OTUD7B: variants seen among roughly 807,000 people sequenced by gnomAD.
OTUD7B encodes the protein OTU domain-containing protein 7B.
OTUD7B carries 34 observed loss-of-function variants against 82.2 expected under a neutral mutation model. That is an observed-to-expected ratio of 0.41 (90% confidence interval 0.31 to 0.55). OTUD7B has a LOEUF of 0.55. Ranked by LOEUF, OTUD7B falls within the 20% of genes least tolerant of loss-of-function variation. The pLI is 0.20. For synonymous variants in OTUD7B, 398 were observed against 402.7 expected (o/e 0.99, Z 0.14); for missense variants, 944 against 1,062.1 (o/e 0.89, Z 1.55).
At chr1:149,999,889 C>G (rs1162465325) in intron 1 of OTUD7B, among the ~76,000 whole-genome samples, 3 of 152,176 alleles carry the variant, frequency 2.0e-5, no homozygotes, top group African/African-American at 7.2e-5. Flanking sequence ...CACTAGTAGA[C>G]TAACTCATTT....
At chr1:150,003,163 T>A (rs587754288) in intron 1 of OTUD7B, among the ~76,000 whole-genome samples, 2 of 148,412 alleles carry the variant, frequency 1.3e-5, no homozygotes, top group African/African-American at 5.0e-5. Context: ...GGCAGGAGAA[T>A]GGCGTGAACC....
At chr1:149,966,923 C>T (rs782461808) in intron 4 of OTUD7B, among the ~76,000 whole-genome samples, 1 of 152,148 alleles carries the variant, frequency 6.6e-6, no homozygotes, top group Admixed American at 6.5e-5. Flanking sequence ...CAATTACAAA[C>T]GTAAATACAT....
the OTUD7B span, among the ~76,000 whole-genome samples, chr1:150,058,962 T>C: frequency 1.3e-5 from 2 of 152,148 alleles, 1 homozygote; most frequent in South Asian, 4.1e-4. Context: ...AATCTGTGTT[T>C]TAAAGTAAAT....
upstream of OTUD7B, among the ~76,000 whole-genome samples, chr1:150,013,061 T>C (rs782044652): frequency 2.0e-5 from 3 of 152,212 alleles, no homozygotes; most frequent in African/African-American, 4.8e-5. Context: ...AGCTGTTTAA[T>C]GTAGACATTG....
At chr1:150,047,352 T>G in the OTUD7B span, among the ~76,000 whole-genome samples, 1 of 152,070 alleles carries the variant, frequency 6.6e-6, no homozygotes, top group Non-Finnish European at 1.5e-5. Context: ...GCAAACCTTA[T>G]GCATCTCAAC....
At chr1:149,992,097 C>CGT (rs1651606299) in intron 1 of OTUD7B, among the ~76,000 whole-genome samples, 1 of 151,992 alleles carries the variant, frequency 6.6e-6, no homozygotes, top group East Asian at 1.9e-4. Flanking sequence ...GCATGGTGCA[C>CGT]ACCTGTAGTC....
At chr1:150,026,750 A>G in the OTUD7B span, among the ~76,000 whole-genome samples, 13 of 152,178 alleles carry the variant, frequency 8.5e-5, no homozygotes, top group Non-Finnish European at 1.9e-4. Context: ...TGAAAAGTGA[A>G]GAGAGAGAAA....
chr1:149,941,044 C>T lies in OTUD7B; in HGVS notation c.*2813G>A, dbSNP rs1647227841. ...AAATAATTTATTTCTTAATAAAAAG[C>T]TATAAGGCCTAAAGCCCCATTTTAC... is the stretch of plus-strand genomic sequence containing the variant. On this transcript the variant is annotated 3_prime_UTR_variant, in exon 12 of 12. Transcript: ENST00000581312. 2 of 152,178 alleles carry T rather than the reference C, an allele frequency of 1.3e-5. No homozygotes were observed. Among genetic ancestry groups the T allele is most frequent in the South Asian group, 4.1e-4 (2 of 4,832 alleles). 9.4% of individuals were successfully genotyped at this position (152,178 alleles called of 1,614,324 possible). A position where few individuals can be genotyped will look rare whatever the true frequency, so the allele number is the denominator to read the frequency against.
chr1:149,977,314 G>A (rs1650390785), intron 2 of OTUD7B, 112 bp downstream of exon 2: 1 of 773,896 alleles, frequency 1.3e-6, no homozygotes, highest in South Asian at 1.5e-5. Flanking sequence ...TTAACTATAG[G>A]GCCTAACCTA....
intron 2 of OTUD7B, among the ~76,000 whole-genome samples, chr1:149,974,126 G>A (rs1481736174): frequency 6.6e-6 from 1 of 151,976 alleles, no homozygotes; most frequent in East Asian, 1.9e-4. Context: ...GTGCAGTGGT[G>A]CAATCTCGGC....
chr1:149,996,605 T>C (rs1553783488), intron 1 of OTUD7B, among the ~76,000 whole-genome samples: 4 of 152,220 alleles, frequency 2.6e-5, no homozygotes, highest in African/African-American at 9.6e-5. Flanking sequence ...ACATTCACTA[T>C]AGCATCCTCA....
the OTUD7B span, among the ~76,000 whole-genome samples, chr1:150,026,019 T>C: frequency 6.6e-6 from 1 of 152,234 alleles, no homozygotes; most frequent in Admixed American, 6.5e-5. Context: ...GACAAGTGAC[T>C]ACCAATATGA....
rs879960994 is a variant in OTUD7B at position 149,950,304 on chromosome 1, GC to G, written c.846-84del. The G allele has an allele frequency of 1.9e-5, 26 of 1,367,630 alleles. 1 individual carries two copies. The Admixed American group carries it at 2.9e-4, about 15-fold the overall frequency. The allele number at this position is 1,367,630 out of a possible 1,614,324, so 84.7% of individuals were successfully genotyped here. A position where few individuals can be genotyped will look rare whatever the true frequency, so the allele number is the denominator to read the frequency against. ...ACAGGAGACCCTGAAGACCAGTTCT[GC>G]AGAAAGGGAAAAGAAGAATGTCCTT... On this transcript the variant is annotated intron_variant, in intron 7 of 11. Transcript: ENST00000581312.
intron 7 of OTUD7B, among the ~76,000 whole-genome samples, chr1:149,957,418 C>G (rs1373264318): frequency 1.3e-5 from 2 of 150,588 alleles, no homozygotes; most frequent in Non-Finnish European, 2.9e-5. Flanking sequence ...GAGGGGCACC[C>G]GGCTGTATAA....
intron 7 of OTUD7B, among the ~76,000 whole-genome samples, chr1:149,956,673 A>G (rs1018063954): frequency 7.9e-5 from 12 of 152,208 alleles, no homozygotes; most frequent in African/African-American, 2.4e-4. Flanking sequence ...AGGTACACCA[A>G]TCAGACATAG....
chr1:150,035,962 T>TTG, the OTUD7B span, among the ~76,000 whole-genome samples: 2 of 151,018 alleles, frequency 1.3e-5, no homozygotes, highest in Non-Finnish European at 2.9e-5. Context: ...TAACTGTTTT[T>TTG]TTTTTTTTTT....
At chr1:150,019,014 A>G in the OTUD7B span, among the ~76,000 whole-genome samples, 1 of 152,080 alleles carries the variant, frequency 6.6e-6, no homozygotes, top group East Asian at 1.9e-4. Flanking sequence ...GCCTATTCCT[A>G]TGGAATACCC....
intron 1 of OTUD7B, among the ~76,000 whole-genome samples, chr1:149,996,171 G>C (rs782530310): frequency 1.3e-5 from 2 of 152,138 alleles, no homozygotes; most frequent in Non-Finnish European, 2.9e-5. Context: ...AAAGAAACAA[G>C]CAAACAACAT....
At position 149,944,273 on chromosome 1, in the gene OTUD7B, C is replaced by T; in HGVS notation, c.2116G>A (p.Val706Ile). 2 of 1,610,604 alleles carry T rather than the reference C, an allele frequency of 1.2e-6. No homozygotes were observed. Among genetic ancestry groups the T allele is most frequent in the Non-Finnish European group, 1.7e-6 (2 of 1,177,970 alleles). ...FTIPRPSGGG[V>I]HCQEPRRQLA... is the part of the protein sequence containing the mutation. ...TGCCTCCGGGGTTCCTGGCAGTGGA[C>T]TCCGCCCCCAGACGGCCGAGGGATA... Residue 706 changes from valine (V) to isoleucine (I), a missense_variant, in exon 12 of 12, where the codon GTC (valine) becomes ATC (isoleucine). This residue lies in a region of OTUD7B where 412 missense variants were observed against 418.7 expected (regional missense o/e 0.98). Coordinates refer to ENST00000581312, the MANE Select transcript of OTUD7B (RefSeq NM_020205.4).
Sources: allele counts gnomAD v4.1 joint callset (sites outside exome capture counted in the v4.1 genomes callset), GRCh38; gene constraint gnomAD v4.1.1; regional missense constraint gnomAD v4.1.1; transcripts MANE v1.5; gene names NCBI Gene and HGNC (gene_info 2026-07-23, HGNC 2026-07-21).